The following RECQL variants were observed in gnomAD, a reference collection of about 807,000 sequenced individuals.
RECQL encodes RecQ like helicase.
In RECQL, 73 loss-of-function variants were observed where a neutral mutation model predicts 75.8. The ratio of observed to expected loss-of-function variants is 0.96; its 90% CI spans 0.80 to 1.17. The LOEUF (loss-of-function observed/expected upper bound fraction) is 1.17. Ranked by LOEUF, RECQL falls within the 50% of genes most tolerant of loss-of-function variation. The probability of loss-of-function intolerance (pLI) is 0.00; values close to 1 mark genes in which losing one functional copy is unlikely to be tolerated. For synonymous variants in RECQL, 248 were observed against 254.4 expected, an observed-to-expected ratio of 0.97 and a Z score of 0.24; for missense variants, 699 against 772.1, an observed-to-expected ratio of 0.91 and a Z score of 1.12.
chr12:21,482,905 GT>G (rs1251364679), intron 6 of RECQL, among the ~76,000 whole-genome samples: 1 of 152,166 alleles, frequency 6.6e-6, no homozygotes, highest in Non-Finnish European at 1.5e-5. Flanking sequence ...TCTCATCAAA[GT>G]TTCATGCTGA....
At chr12:21,489,345 C>A (rs528551871) in intron 4 of RECQL, among the ~76,000 whole-genome samples, 1 of 152,078 alleles carries the variant, frequency 6.6e-6, no homozygotes, top group African/African-American at 2.4e-5. Context: ...TTACTATCTA[C>A]CCTTTCAAGA....
At chr12:21,479,017 C>T (rs1943140628) in intron 6 of RECQL, among the ~76,000 whole-genome samples, 1 of 152,134 alleles carries the variant, frequency 6.6e-6, no homozygotes, top group Non-Finnish European at 1.5e-5. Flanking sequence ...TTTAGGGGTC[C>T]CCTTTGCCAC....
chr12:21,478,027 A>G (rs1943119812), intron 6 of RECQL, 58 bp from the exon 7 acceptor site: 1 of 1,480,352 alleles, frequency 6.8e-7, no homozygotes, highest in South Asian at 1.3e-5. Context: ...AGTAAATTAT[A>G]TCTTTTAACA....
chr12:21,473,286 CTA>C (rs1943019035), intron 12 of RECQL, among the ~76,000 whole-genome samples: 1 of 152,026 alleles, frequency 6.6e-6, no homozygotes, highest in Non-Finnish European at 1.5e-5. Flanking sequence ...TGTACTTACT[CTA>C]TGTTTAGATA....
rs761799998 is a variant in RECQL, at chr12:21,491,588, A to G, written c.145T>C (p.Cys49Arg). ...KKVLTKKIKQ[C>R]LEDSDAGASN... is the part of the protein sequence containing the mutation. ...GCCCCGGCATCAGAATCCTCTAAAC[A>G]CTGCTTTATTTTCTTTGTCAGGACT... Residue 49 changes from cysteine (C) to arginine (R), a missense_variant, in exon 3 of 15, where the codon TGT (cysteine) becomes CGT (arginine). This residue lies in a region of RECQL where 669 missense variants were observed against 713.5 expected (regional missense o/e 0.94). Transcript: ENST00000444129. The G allele has an allele frequency of 8.1e-6, 13 of 1,612,956 alleles. No homozygotes were observed. The highest frequency in any genetic ancestry group is 2.2e-5 in the South Asian group (2 of 91,048).
chr12:21,471,216 A>AG, intron 13 of RECQL, 118 bp from the exon 14 acceptor site: 2 of 1,120,182 alleles, frequency 1.8e-6, no homozygotes, highest in Non-Finnish European at 2.5e-6. Context: ...AAATAATAAA[A>AG]TTTACAAGAA....
At chr12:21,491,823 G>A in intron 2 of RECQL, 107 bp from the exon 3 acceptor site, 1 of 978,896 alleles carries the variant, frequency 1.0e-6, no homozygotes, top group Non-Finnish European at 1.5e-6. Flanking sequence ...AGACAAACTT[G>A]AAGTAGTATA....
chr12:21,496,375 G>A (rs1943509165), intron 2 of RECQL, among the ~76,000 whole-genome samples: 1 of 152,222 alleles, frequency 6.6e-6, no homozygotes, highest in South Asian at 2.1e-4. Flanking sequence ...TGTTATTATA[G>A]CATAGGGGAA....
chr12:21,473,762 T>C, intron 11 of RECQL, 120 bp from the exon 12 acceptor site: 1 of 752,030 alleles, frequency 1.3e-6, no homozygotes, highest in East Asian at 2.7e-5. Context: ...AATATTACCA[T>C]AAACTTAGTG....
intron 2 of RECQL, among the ~76,000 whole-genome samples, chr12:21,497,992 T>C (rs1943539420): frequency 6.6e-6 from 1 of 152,220 alleles, no homozygotes; most frequent in Admixed American, 6.5e-5. Context: ...ACTCCGGATA[T>C]GAATTTACCA....
chr12:21,486,122 C>T (rs1403148817), intron 5 of RECQL, among the ~76,000 whole-genome samples: 4 of 152,158 alleles, frequency 2.6e-5, no homozygotes, highest in African/African-American at 9.7e-5. Context: ...ATCACAACTA[C>T]TCCACTGTGC....
chr12:21,490,001 A>ACC (rs1345262100), intron 4 of RECQL, among the ~76,000 whole-genome samples, 198 bp downstream of exon 4: 1 of 152,120 alleles, frequency 6.6e-6, no homozygotes, highest in Non-Finnish European at 1.5e-5. Flanking sequence ...CTGCACATAT[A>ACC]CCCCTGAATC....
At chr12:21,485,185 T>A in intron 5 of RECQL, among the ~76,000 whole-genome samples, 1 of 142,494 alleles carries the variant, frequency 7.0e-6, no homozygotes, top group Non-Finnish European at 1.5e-5. Context: ...ACCACTTGAG[T>A]GATACCACAG....
intron 4 of RECQL, among the ~76,000 whole-genome samples, chr12:21,489,711 T>TTCTA (rs1943371989): frequency 1.3e-5 from 2 of 152,258 alleles, no homozygotes; most frequent in Non-Finnish European, 2.9e-5. Flanking sequence ...TGTTCAAGTG[T>TTCTA]TCTATAGCAC....
intron 4 of RECQL, 70 bp from the exon 5 acceptor site, chr12:21,486,655 ACGTTT>A (rs1429684589): frequency 5.6e-6 from 1 of 180,128 alleles, no homozygotes; most frequent in Non-Finnish European, 9.2e-6. Flanking sequence ...CAAACCATTC[ACGTTT>A]TTTTTTTTTT....
chr12:21,488,118 C>T (rs1943340656), intron 4 of RECQL, among the ~76,000 whole-genome samples: 1 of 152,144 alleles, frequency 6.6e-6, no homozygotes, highest in South Asian at 2.1e-4. Flanking sequence ...TATTTGGTCT[C>T]CACCCAACCA....
intron 2 of RECQL, among the ~76,000 whole-genome samples, chr12:21,497,817 A>T (rs1465693313): frequency 6.6e-6 from 1 of 152,230 alleles, no homozygotes; most frequent in Non-Finnish European, 1.5e-5. Context: ...ATCTGGCTAC[A>T]TCCAGAGCTA....
intron 2 of RECQL, among the ~76,000 whole-genome samples, chr12:21,496,716 G>T (rs551184908): frequency 6.6e-6 from 1 of 152,324 alleles, no homozygotes; most frequent in East Asian, 1.9e-4. Context: ...CTTCTAAAGT[G>T]AAGGATAAGT....
intron 5 of RECQL, among the ~76,000 whole-genome samples, 158 bp from the exon 6 acceptor site, chr12:21,483,732 A>C (rs1445814943): frequency 1.3e-5 from 2 of 152,218 alleles, no homozygotes; most frequent in Non-Finnish European, 2.9e-5. Flanking sequence ...ACCATGTCTC[A>C]GTACGAAACA....
Sources: allele counts gnomAD v4.1 joint callset (sites outside exome capture counted in the v4.1 genomes callset), GRCh38; gene constraint gnomAD v4.1.1; regional missense constraint gnomAD v4.1.1; transcripts MANE v1.5; gene names NCBI Gene and HGNC (gene_info 2026-07-23, HGNC 2026-07-21).